The following PCGF5 variants were observed in gnomAD, a reference collection of about 807,000 sequenced individuals.
PCGF5 encodes polycomb group ring finger 5, also known as polycomb group RING finger protein 5.
PCGF5 carries 9 observed loss-of-function variants against 44.3 expected under a neutral mutation model. The ratio of observed to expected loss-of-function variants is 0.20; its 90% CI spans 0.12 to 0.35. PCGF5 has a LOEUF of 0.35. PCGF5 is among the 10% of genes least tolerant of loss of function. PCGF5 has a pLI of 1.00. For missense variants in PCGF5, 146 were observed against 305.3 expected (o/e 0.48, Z 3.89); for synonymous variants, 95 against 102.5 (o/e 0.93, Z 0.44).
At position 91,196,097 on chromosome 10, in the gene PCGF5, A is replaced by G. The variant is rs924486510; in HGVS notation, c.-183-26592A>G. On this transcript the variant is annotated intron_variant, in intron 1 of 9. Coordinates refer to the PCGF5 transcript ENST00000614189. ...GGTGTTAAGTCTATCATGGGACTGC[A>G]CATTTGTCAGAATGGCTCACTGGTT... Among the ~76,000 whole-genome samples, 6 of 151,976 alleles carry G rather than the reference A, an allele frequency of 3.9e-5. No homozygotes were observed. In the East Asian group the frequency reaches 1.2e-3, roughly 29 times the overall value.
rs1474037153 is a variant in PCGF5, at chr10:91,234,576, C to G, written c.113-5908C>G. The stretch of plus-strand genomic sequence containing the variant: ...ATTTCAAGTTCCATCGGCATGATAT[C>G]TGTTATTTATGATTAGTGCATCAAA... On this transcript the variant is annotated intron_variant, in intron 2 of 9. Transcript: ENST00000336126. 2.0e-5 allele frequency among the ~76,000 whole-genome samples: 3 copies of G among 152,260 alleles called. No homozygotes were observed. In the East Asian group the frequency reaches 5.8e-4, roughly 29 times the overall value.
chr10:91,272,658 A>G (rs1255261623), intron 9 of PCGF5, among the ~76,000 whole-genome samples: 2 of 152,124 alleles, frequency 1.3e-5, no homozygotes, highest in African/African-American at 2.4e-5. Context: ...CTGTAGTCCC[A>G]GCTACTAAGG....
rs1205353718 is a variant in PCGF5, at chr10:91,279,201, C to CT, written c.*890dup. 1 of 152,064 alleles carries CT rather than the reference C, an allele frequency of 6.6e-6. No individual in the cohort carries two copies. The highest frequency in any genetic ancestry group is 1.5e-5 in the Non-Finnish European group (1 of 67,992). 9.4% of individuals were successfully genotyped at this position (152,064 alleles called of 1,614,324 possible). On this transcript the variant is annotated 3_prime_UTR_variant, in exon 10 of 10. Coordinates refer to ENST00000336126, the MANE Select transcript of PCGF5 (RefSeq NM_032373.5). ...GTTATTTAATGAGTGCATTATTTCT[C>CT]TTTTTAAGTTGGCCTTAGGTATATG...
intron 2 of PCGF5, among the ~76,000 whole-genome samples, chr10:91,230,351 A>C (rs12266301): frequency 0.12 from 18,729 of 152,096 alleles, 2,096 homozygotes; most frequent in African/African-American, 0.3. Context: ...GTTCAATATA[A>C]GCATTATAAA....
chr10:91,177,367 G>C (rs1052093968), intron 1 of PCGF5, among the ~76,000 whole-genome samples: 1 of 152,230 alleles, frequency 6.6e-6, no homozygotes, highest in African/African-American at 2.4e-5. Context: ...ACCCACTTGA[G>C]GAGGCAGTCT....
At chr10:91,276,170 A>G (rs1363059087) in intron 9 of PCGF5, among the ~76,000 whole-genome samples, 1 of 151,802 alleles carries the variant, frequency 6.6e-6, no homozygotes, top group Non-Finnish European at 1.5e-5. Flanking sequence ...TATGGTAGTT[A>G]TCTTTGGATG....
intron 8 of PCGF5, among the ~76,000 whole-genome samples, chr10:91,269,461 A>G (rs1846124568): frequency 6.6e-6 from 1 of 152,152 alleles, no homozygotes; most frequent in Non-Finnish European, 1.5e-5. Flanking sequence ...AATTTTTAAT[A>G]CATTAATAAT....
chr10:91,215,333 G>A (rs1040664535), upstream of PCGF5, among the ~76,000 whole-genome samples: 24 of 152,140 alleles, frequency 1.6e-4, no homozygotes, highest in African/African-American at 4.8e-4. Flanking sequence ...AACAGACCTC[G>A]GCCTTGGTGA....
chr10:91,236,298 G>A (rs537357216), intron 2 of PCGF5, among the ~76,000 whole-genome samples: 1 of 152,262 alleles, frequency 6.6e-6, no homozygotes, highest in East Asian at 1.9e-4. Context: ...CTTGCCCAGG[G>A]AGGATAGTAA....
intron 1 of PCGF5, among the ~76,000 whole-genome samples, chr10:91,178,709 G>T (rs192586508): frequency 6.6e-6 from 1 of 151,816 alleles, no homozygotes; most frequent in Non-Finnish European, 1.5e-5. Flanking sequence ...CATTTTAAAC[G>T]TAGTAGTACA....
At chr10:91,200,853 G>A (rs141297721) in intron 1 of PCGF5, among the ~76,000 whole-genome samples, 322 of 152,246 alleles carry the variant, frequency 2.1e-3, no homozygotes, top group Admixed American at 3.3e-3. Context: ...TGAAGTAATT[G>A]ATGTAAAAAT....
chr10:91,215,862 G>T (rs1052643026), upstream of PCGF5, among the ~76,000 whole-genome samples: 3 of 152,102 alleles, frequency 2.0e-5, no homozygotes, highest in African/African-American at 7.2e-5. Flanking sequence ...CTCCATAATT[G>T]TTTCTTGTGG....
At chr10:91,204,962 A>G (rs1218895344) in intron 1 of PCGF5, among the ~76,000 whole-genome samples, 1 of 152,212 alleles carries the variant, frequency 6.6e-6, no homozygotes, top group East Asian at 1.9e-4. Flanking sequence ...ACATAGCTAT[A>G]TTTAAATTGA....
chr10:91,246,500 C>G (rs1009376249), intron 3 of PCGF5, among the ~76,000 whole-genome samples: 2 of 152,068 alleles, frequency 1.3e-5, no homozygotes, highest in Admixed American at 6.6e-5. Flanking sequence ...CACATGAAGT[C>G]AGGTAGTAGA....
At chr10:91,222,055 A>G (rs567029096) in intron 1 of PCGF5, among the ~76,000 whole-genome samples, 1 of 152,246 alleles carries the variant, frequency 6.6e-6, no homozygotes, top group Non-Finnish European at 1.5e-5. Context: ...AAAGTTGTTG[A>G]AGGGTATATT....
chr10:91,243,194 A>T (rs1378621012), intron 3 of PCGF5, among the ~76,000 whole-genome samples: 1 of 152,216 alleles, frequency 6.6e-6, no homozygotes, highest in Non-Finnish European at 1.5e-5. Context: ...CAGGAGACTA[A>T]GGAGGTTGTG....
intron 2 of PCGF5, 93 bp from the exon 3 acceptor site, chr10:91,240,391 G>A (rs1203353248): frequency 1.4e-6 from 1 of 716,328 alleles, no homozygotes; most frequent in African/African-American, 1.8e-5. Flanking sequence ...CTTGTAGTAG[G>A]TAGTTTTAAG....
chr10:91,265,292 T>C (rs1426347065), intron 8 of PCGF5, among the ~76,000 whole-genome samples: 1 of 152,090 alleles, frequency 6.6e-6, no homozygotes, highest in East Asian at 1.9e-4. Context: ...GTACTAGGGA[T>C]TGTAGGACTC....
chr10:91,198,910 TCTC>T lies in PCGF5; in HGVS notation c.-183-23772_-183-23770del, dbSNP rs538403911. ...CCTTTTCTTGCCAGGCCATTCTTGT[TCTC>T]CTCCTCTCTCAGATGTTCTTCTCTT... On this transcript the variant is annotated intron_variant, in intron 1 of 9. Transcript: ENST00000614189. Among the ~76,000 whole-genome samples the T allele has an allele frequency of 1.7e-4, 26 of 152,328 alleles. 1 individual carries two copies. In the South Asian group the frequency reaches 4.4e-3, roughly 26 times the overall value.
Sources: gnomAD v4.1 joint callset for allele counts (sites outside exome capture counted in the v4.1 genomes callset) on GRCh38, gnomAD v4.1.1 for gene constraint, MANE v1.5 for transcripts, NCBI Gene and HGNC (gene_info 2026-07-23, HGNC 2026-07-21) for gene names.